Variants in GHR observed in about 807,000 individuals in gnomAD.
The protein encoded by GHR is GH receptor.
A neutral mutation model predicts 67.1 loss-of-function variants in GHR; 35 were observed. That is an observed-to-expected ratio of 0.52 (90% CI 0.40 to 0.69). The LOEUF is 0.69. Among genes scored for constraint, GHR ranks in the 30% least tolerant of loss-of-function variants. GHR has a pLI of 0.00. For synonymous variants in GHR, 272 were observed against 269.1 expected (o/e 1.01, Z -0.10); for missense variants, 792 against 764.6 (o/e 1.04, Z -0.42).
chr5:42,625,768 A>T (rs1753671118), intron 2 of GHR, among the ~76,000 whole-genome samples: 1 of 136,880 alleles, frequency 7.3e-6, no homozygotes, highest in African/African-American at 2.5e-5. Context: ...TTCTTATTGG[A>T]CCTAAAACTG....
chr5:42,640,625 CGTATTT>C (rs1754420970), intron 3 of GHR, among the ~76,000 whole-genome samples: 1 of 151,760 alleles, frequency 6.6e-6, no homozygotes, highest in Non-Finnish European at 1.5e-5. Flanking sequence ...ATCTAGGTAG[CGTATTT>C]TGTATTTGAA....
chr5:42,634,737 T>C (rs1321029602), intron 3 of GHR, among the ~76,000 whole-genome samples: 1 of 152,130 alleles, frequency 6.6e-6, no homozygotes, highest in African/African-American at 2.4e-5. Flanking sequence ...ACAGAACCTT[T>C]CCTTCAGGTC....
chr5:42,475,024 T>C (rs1745239633), intron 1 of GHR, among the ~76,000 whole-genome samples: 3 of 151,770 alleles, frequency 2.0e-5, no homozygotes, highest in Admixed American at 1.3e-4. Flanking sequence ...GCTTGGATTA[T>C]AGGCACCTGC....
At chr5:42,625,105 AGTTAGCTAACTG>A (rs531844874) in intron 2 of GHR, among the ~76,000 whole-genome samples, 235 of 152,244 alleles carry the variant, frequency 1.5e-3, no homozygotes, top group African/African-American at 5.6e-3. Flanking sequence ...GCTGCTTCCC[AGTTAGCTAACTG>A]GGAGGAGTTA....
chr5:42,438,413 T>C (rs1743427578), intron 1 of GHR, among the ~76,000 whole-genome samples: 1 of 152,176 alleles, frequency 6.6e-6, no homozygotes, highest in African/African-American at 2.4e-5. Context: ...ATTCCCCCCG[T>C]CCATTGAATG....
At chr5:42,680,752 G>T (rs553449524) in intron 3 of GHR, among the ~76,000 whole-genome samples, 5 of 151,930 alleles carry the variant, frequency 3.3e-5, no homozygotes, top group Non-Finnish European at 7.4e-5. Flanking sequence ...TAATCCACCC[G>T]CCTCAGCCTC....
Position 42,690,110 on chromosome 5 carries a change from C to T in GHR, c.266+1091C>T, listed in dbSNP as rs529294540. 7.9e-5 allele frequency among the ~76,000 whole-genome samples: 12 copies of T among 152,366 alleles called. 1 individual carries two copies. In the East Asian group the frequency reaches 2.1e-3, roughly 27 times the overall value. On this transcript the variant is annotated intron_variant, in intron 4 of 9. Transcript: ENST00000230882. The stretch of plus-strand genomic sequence containing the variant: ...TTTTCCACCCAACCCCCAGAGAAGG[C>T]CTAAGCCAAGATGCAGGGTTAGTGA...
At chr5:42,643,191 A>G (rs1754564819) in intron 3 of GHR, among the ~76,000 whole-genome samples, 1 of 152,184 alleles carries the variant, frequency 6.6e-6, no homozygotes, top group Admixed American at 6.5e-5. Context: ...TGTTGGCTTA[A>G]CTTAACGCAT....
At chr5:42,521,942 A>G (rs1441108276) in intron 1 of GHR, among the ~76,000 whole-genome samples, 1 of 152,176 alleles carries the variant, frequency 6.6e-6, no homozygotes, top group Non-Finnish European at 1.5e-5. Flanking sequence ...CAAATTAACA[A>G]TTTTGGCCAA....
chr5:42,507,962 T>C (rs74368877), intron 1 of GHR, among the ~76,000 whole-genome samples: 1 of 152,160 alleles, frequency 6.6e-6, no homozygotes, highest in Non-Finnish European at 1.5e-5. Flanking sequence ...GAGGAAGACC[T>C]GGAATGGATA....
At chr5:42,439,684 A>AGAAGATAC (rs199613827) in intron 1 of GHR, among the ~76,000 whole-genome samples, 2,798 of 152,300 alleles carry the variant, frequency 0.018, 147 homozygotes, top group East Asian at 0.11. Flanking sequence ...AAGTCCTTAC[A>AGAAGATAC]GAAGATACTT....
chr5:42,600,042 T>G (rs562255202), intron 2 of GHR, among the ~76,000 whole-genome samples: 43 of 152,332 alleles, frequency 2.8e-4, no homozygotes, highest in Admixed American at 2.4e-3. Context: ...AGCATATCTC[T>G]GTTAGGCTAG....
chr5:42,436,927 C>T (rs1453437552), intron 1 of GHR, among the ~76,000 whole-genome samples: 1 of 152,128 alleles, frequency 6.6e-6, no homozygotes, highest in East Asian at 1.9e-4. Flanking sequence ...ACTAGGTTAA[C>T]CAGGGCTGAA....
intron 2 of GHR, among the ~76,000 whole-genome samples, chr5:42,624,349 T>C (rs1464862426): frequency 1.3e-5 from 2 of 152,132 alleles, no homozygotes; most frequent in African/African-American, 4.8e-5. Context: ...CGTGGAAAAA[T>C]TTGTCAACTT....
intron 1 of GHR, among the ~76,000 whole-genome samples, chr5:42,481,530 A>C (rs1293736993): frequency 6.6e-6 from 1 of 152,228 alleles, no homozygotes; most frequent in African/African-American, 2.4e-5. Flanking sequence ...TACACCAATC[A>C]GACGTAGATT....
intron 1 of GHR, among the ~76,000 whole-genome samples, chr5:42,482,222 G>T (rs936854645): frequency 6.6e-6 from 1 of 152,208 alleles, no homozygotes; most frequent in African/African-American, 2.4e-5. Flanking sequence ...AAATGCTGCT[G>T]CCTGATCGTT....
At chr5:42,659,828 AGG>A (rs1228468402) in intron 3 of GHR, among the ~76,000 whole-genome samples, 6 of 152,166 alleles carry the variant, frequency 3.9e-5, no homozygotes, top group Admixed American at 1.3e-4. Flanking sequence ...AGGAAGCGCA[AGG>A]GGACAGGGAG....
At chr5:42,427,219 C>A (rs750372536) in intron 1 of GHR, among the ~76,000 whole-genome samples, 1 of 152,172 alleles carries the variant, frequency 6.6e-6, no homozygotes, top group African/African-American at 2.4e-5. Flanking sequence ...TCTCATGCTG[C>A]TAATAAAGAC....
At chr5:42,447,290 AC>A (rs1455104173) in intron 1 of GHR, among the ~76,000 whole-genome samples, 1 of 151,436 alleles carries the variant, frequency 6.6e-6, no homozygotes, top group Non-Finnish European at 1.5e-5. Flanking sequence ...TTTATCCTTC[AC>A]CCCCTCCCAC....
Sources: gnomAD v4.1 joint callset for allele counts (sites outside exome capture counted in the v4.1 genomes callset) on GRCh38, gnomAD v4.1.1 for gene constraint, MANE v1.5 for transcripts, NCBI Gene and HGNC (gene_info 2026-07-23, HGNC 2026-07-21) for gene names.